PTPRG: variants seen among roughly 807,000 people sequenced by gnomAD.
PTPRG encodes the protein protein tyrosine phosphatase receptor type G.
A neutral mutation model predicts 165.3 loss-of-function variants in PTPRG; 102 were observed. The observed-to-expected ratio is 0.62, with a 90% CI of 0.53 to 0.73. The LOEUF is 0.73. Ranked by LOEUF, PTPRG falls within the 30% of genes least tolerant of loss-of-function variation. The pLI, the probability that PTPRG is intolerant of heterozygous loss-of-function variation, is 0.00. For synonymous variants in PTPRG, 675 were observed against 669.5 expected, an observed-to-expected ratio of 1.01 and a Z score of -0.13; for missense variants, 1,866 against 1,861.4, an observed-to-expected ratio of 1.00 and a Z score of -0.05.
In PTPRG at chr3:61,774,144, A is replaced by G. The variant is rs569401057; in HGVS notation, c.190+25162A>G. On this transcript the variant is annotated intron_variant, in intron 2 of 29. Transcript: ENST00000474889. ...ACAGTCCTTTCCCAAAGTTGACCGC[A>G]TAGAACACAGCAAAGCATGACATTG... Among the ~76,000 whole-genome samples, 26 of 152,302 alleles carry G rather than the reference A, an allele frequency of 1.7e-4. No individual in the cohort carries two copies. The South Asian group carries it at 4.8e-3, about 28-fold the overall frequency.
chr3:62,101,617 T>C (rs1420489389), intron 5 of PTPRG, among the ~76,000 whole-genome samples: 2 of 152,254 alleles, frequency 1.3e-5, no homozygotes, highest in Non-Finnish European at 2.9e-5. Flanking sequence ...TCTCCCTTGA[T>C]GCTAACTAGG....
At chr3:62,172,733 GA>G (rs35728798) in intron 8 of PTPRG, among the ~76,000 whole-genome samples, 7,677 of 151,998 alleles carry the variant, frequency 0.051, 598 homozygotes, top group African/African-American at 0.17. Context: ...ACTCTTCTGC[GA>G]AAAAAAGTTT....
intron 1 of PTPRG, among the ~76,000 whole-genome samples, chr3:61,637,770 A>G (rs997334453): frequency 6.6e-6 from 1 of 152,176 alleles, no homozygotes; most frequent in Non-Finnish European, 1.5e-5. Flanking sequence ...CACCAGAAAC[A>G]GAGATATCAG....
At chr3:61,680,862 C>T (rs7638776) in intron 1 of PTPRG, among the ~76,000 whole-genome samples, 103,577 of 124,514 alleles carry the variant, frequency 0.83, 47,389 homozygotes, top group East Asian at 1. Flanking sequence ...GTGTTGGGAA[C>T]CTGTATATGG....
intron 1 of PTPRG, among the ~76,000 whole-genome samples, chr3:61,601,218 G>A (rs139099311): frequency 7.9e-5 from 12 of 152,248 alleles, no homozygotes; most frequent in Admixed American, 6.5e-5. Flanking sequence ...ATTGCACCAC[G>A]GCACTCCAGC....
At chr3:61,837,668 T>C (rs1281948875) in intron 2 of PTPRG, among the ~76,000 whole-genome samples, 1 of 152,204 alleles carries the variant, frequency 6.6e-6, no homozygotes, top group African/African-American at 2.4e-5. Context: ...ACATGTACCA[T>C]ATTTTTCACT....
rs1233679653 is a variant in PTPRG, at chr3:61,995,080, C to CT, written c.370+5279dup. Reference sequence around the variant, plus strand: ...TTCTTTTTTCTTTTTTCTTTTCTTTCTTTCTTTTTTTTTTTTTTTTTTTTT... The same window carrying CT: ...TTCTTTTTTCTTTTTTCTTTTCTTTCTTTTCTTTTTTTTTTTTTTTTTTTTT... On this transcript the variant is annotated intron_variant, in intron 3 of 29. Transcript: ENST00000474889. Among the ~76,000 whole-genome samples the CT allele has an allele frequency of 8.2e-4, 88 of 107,370 alleles. 3 individuals are homozygous for CT. The East Asian group carries it at 0.015, about 19-fold the overall frequency. 70.4% of individuals were successfully genotyped at this position (107,370 alleles called of 152,430 possible). A position where few individuals can be genotyped will look rare whatever the true frequency, so the allele number is the denominator to read the frequency against.
At chr3:62,046,382 T>C (rs1575932678) in intron 4 of PTPRG, among the ~76,000 whole-genome samples, 1 of 152,210 alleles carries the variant, frequency 6.6e-6, no homozygotes, top group Non-Finnish European at 1.5e-5. Flanking sequence ...TATCTTTCAT[T>C]GACCTTTTCT....
chr3:61,803,458 C>T (rs1267402718), intron 2 of PTPRG, among the ~76,000 whole-genome samples: 1 of 117,082 alleles, frequency 8.5e-6, no homozygotes, highest in Admixed American at 8.4e-5. Flanking sequence ...GCCTGGTAGC[C>T]ATTGTTTTGG....
intron 2 of PTPRG, among the ~76,000 whole-genome samples, chr3:61,804,880 G>C (rs139159924): frequency 6.6e-6 from 1 of 152,282 alleles, no homozygotes; most frequent in East Asian, 1.9e-4. Flanking sequence ...ATAAATGCCA[G>C]CTCTCTTCCC....
intron 1 of PTPRG, among the ~76,000 whole-genome samples, chr3:61,584,751 A>G (rs9647380): frequency 1.3e-5 from 2 of 152,116 alleles, no homozygotes; most frequent in Non-Finnish European, 2.9e-5. Flanking sequence ...CTTAGTAATC[A>G]CAGCTCCATT....
Position 62,203,567 on chromosome 3 carries a change from G to A in PTPRG, c.1772G>A (p.Gly591Glu). The A allele has an allele frequency of 1.3e-6, 2 of 1,552,708 alleles. No individual in the cohort carries two copies. Among genetic ancestry groups the A allele is most frequent in the East Asian group, 2.4e-5 (1 of 40,956 alleles). ...EKDEKSESED[G>E]EREHEEDGEK... ...GATGAGAAAAGCGAGAGTGAGGATG[G>A]GGAGCGGGAGCACGAGGAGGATGGA... Residue 591 changes from glycine to glutamate, a missense_variant, in exon 12 of 30, where the codon GGG (glycine) becomes GAG (glutamate). Coordinates refer to ENST00000474889, the MANE Select transcript of PTPRG (RefSeq NM_002841.4). The surrounding 1 kb of genome is among the most constrained non-coding windows in gnomAD (Gnocchi z 6.4).
chr3:61,927,682 A>G (rs2039256470), intron 2 of PTPRG, among the ~76,000 whole-genome samples: 1 of 152,038 alleles, frequency 6.6e-6, no homozygotes, highest in Non-Finnish European at 1.5e-5. Context: ...CCCTGGAGCT[A>G]TGTTTGGTGT....
chr3:61,951,312 T>C (rs2039894931), intron 2 of PTPRG, among the ~76,000 whole-genome samples: 1 of 152,256 alleles, frequency 6.6e-6, no homozygotes, highest in Admixed American at 6.5e-5. Context: ...GGGACCTGGC[T>C]AACTTCTTGA....
rs1700831429 is a variant in PTPRG at position 62,228,973 on chromosome 3, T to G, written c.2289-2252T>G. On this transcript the variant is annotated intron_variant, in intron 13 of 29. Coordinates refer to ENST00000474889, the MANE Select transcript of PTPRG (RefSeq NM_002841.4). This position sits in a 1 kb window ranked among gnomAD's most constrained non-coding sequence, Gnocchi z 4.1. Reference sequence around the variant, plus strand: ...TGGTGAGTGTGCCATTCTTTTCTTTTTGGAACCCATATCTGTGGCCATATT... The same window carrying G: ...TGGTGAGTGTGCCATTCTTTTCTTTGTGGAACCCATATCTGTGGCCATATT... 6.6e-6 allele frequency among the ~76,000 whole-genome samples: 1 copy of G among 152,226 alleles called. No homozygotes were observed. Among genetic ancestry groups the G allele is most frequent in the Admixed American group, 6.5e-5 (1 of 15,290 alleles).
intron 6 of PTPRG, among the ~76,000 whole-genome samples, chr3:62,138,643 C>T (rs772270631): frequency 1.5e-5 from 2 of 134,144 alleles, no homozygotes; most frequent in Non-Finnish European, 3.1e-5. Flanking sequence ...CACTTGAATC[C>T]GGGAGGCAGA....
chr3:62,220,516 G>A (rs930051863), intron 13 of PTPRG, among the ~76,000 whole-genome samples: 4 of 152,166 alleles, frequency 2.6e-5, no homozygotes, highest in African/African-American at 9.7e-5. Flanking sequence ...GATTGGGTCT[G>A]TTCCTAATTG....
intron 1 of PTPRG, among the ~76,000 whole-genome samples, chr3:61,645,923 G>C (rs1227189693): frequency 6.6e-6 from 1 of 152,072 alleles, no homozygotes; most frequent in Non-Finnish European, 1.5e-5. Flanking sequence ...AGGTAGACTT[G>C]GTTTATTTTC....
intron 3 of PTPRG, among the ~76,000 whole-genome samples, chr3:61,998,302 T>C (rs1047785815): frequency 1.3e-5 from 2 of 152,164 alleles, no homozygotes; most frequent in African/African-American, 4.8e-5. Flanking sequence ...GCCCCAGACA[T>C]AGGGAGAATC....
Sources: gnomAD v4.1 joint callset for allele counts (sites outside exome capture counted in the v4.1 genomes callset) on GRCh38, gnomAD v4.1.1 for gene constraint, Gnocchi (gnomAD v3.1) non-coding constraint, MANE v1.5 for transcripts, NCBI Gene and HGNC (gene_info 2026-07-23, HGNC 2026-07-21) for gene names.